The following AGMO variants were observed in gnomAD, a reference collection of about 807,000 sequenced individuals.
AGMO encodes the protein glyceryl-ether monooxygenase.
AGMO carries 75 observed loss-of-function variants against 60.2 expected under a neutral mutation model. The observed-to-expected ratio is 1.25, with a 90% CI of 1.03 to 1.51. The LOEUF is 1.51. Ranked by LOEUF, AGMO falls within the 40% of genes most tolerant of loss-of-function variation. The pLI is 0.00. For missense variants in AGMO, 763 were observed against 525.5 expected, an observed-to-expected ratio of 1.45 and a Z score of -4.42; for synonymous variants, 261 against 177.1, an observed-to-expected ratio of 1.47 and a Z score of -3.76.
chr7:15,451,898 T>TA (rs761722966), intron 3 of AGMO, among the ~76,000 whole-genome samples: 1 of 152,148 alleles, frequency 6.6e-6, no homozygotes, highest in Non-Finnish European at 1.5e-5. Context: ...TTGCCTTACT[T>TA]ATTGGAACAC....
chr7:15,457,941 G>A (rs1562517446), intron 3 of AGMO, among the ~76,000 whole-genome samples: 1 of 152,086 alleles, frequency 6.6e-6, no homozygotes, highest in Admixed American at 6.6e-5. Context: ...TAAATTATAT[G>A]ATGAAATAAA....
In AGMO at chr7:15,282,330, A is replaced by T. The variant is rs562147655; in HGVS notation, c.1264-80971T>A. The stretch of plus-strand genomic sequence containing the variant: ...AAAACATAAAGAATATAGAAAAATG[A>T]TTCAGAATATGAATGAAAAAATTTA... On this transcript the variant is annotated intron_variant, in intron 12 of 12. Coordinates refer to ENST00000342526, the MANE Select transcript of AGMO (RefSeq NM_001004320.2). Among the ~76,000 whole-genome samples the T allele has an allele frequency of 7.9e-4, 120 of 152,196 alleles. 1 individual carries two copies. Among genetic ancestry groups the T allele is most frequent in the African/African-American group, 2.8e-3 (117 of 41,570 alleles).
At chr7:15,394,323 T>C (rs1784280814) in intron 5 of AGMO, 144 bp from the exon 6 acceptor site, 1 of 652,850 alleles carries the variant, frequency 1.5e-6, no homozygotes, top group Middle Eastern at 4.1e-4. Flanking sequence ...AAAGTTCCAC[T>C]GAAATCTGGA....
chr7:15,538,415 T>C (rs2115267509), intron 3 of AGMO, among the ~76,000 whole-genome samples: 2 of 152,202 alleles, frequency 1.3e-5, no homozygotes, highest in Middle Eastern at 6.8e-3. Context: ...TAATGTTTTG[T>C]AAAGACGAAG....
the AGMO span, among the ~76,000 whole-genome samples, chr7:15,151,534 A>AT: frequency 7.3e-5 from 11 of 151,656 alleles, no homozygotes; most frequent in Non-Finnish European, 1.5e-4. Context: ...GTTTTAAAGA[A>AT]TTTTTTTCTG....
chr7:15,451,916 A>C (rs1225364256), intron 3 of AGMO, among the ~76,000 whole-genome samples: 3 of 152,170 alleles, frequency 2.0e-5, no homozygotes, highest in Non-Finnish European at 4.4e-5. Flanking sequence ...CACGGTTTGA[A>C]CACAACACTC....
chr7:15,145,075 G>A, the AGMO span, among the ~76,000 whole-genome samples: 2 of 152,140 alleles, frequency 1.3e-5, no homozygotes, highest in African/African-American at 2.4e-5. Flanking sequence ...TGATCCGCCC[G>A]CCTCGGCCCC....
intron 3 of AGMO, among the ~76,000 whole-genome samples, chr7:15,497,460 A>G (rs992620951): frequency 4.6e-5 from 7 of 152,132 alleles, no homozygotes; most frequent in Non-Finnish European, 8.8e-5. Context: ...ATGGAATTCT[A>G]TAAATGGAGG....
At chr7:15,289,312 T>C (rs1784190317) in intron 12 of AGMO, among the ~76,000 whole-genome samples, 1 of 148,476 alleles carries the variant, frequency 6.7e-6, no homozygotes, top group African/African-American at 2.5e-5. Flanking sequence ...AATGATAAAT[T>C]ATTTATTATC....
intron 3 of AGMO, among the ~76,000 whole-genome samples, chr7:15,482,896 T>A (rs918437644): frequency 2.6e-5 from 4 of 152,214 alleles, no homozygotes; most frequent in Admixed American, 6.5e-5. Context: ...AGCATGTCAA[T>A]AGATGTAGAA....
chr7:15,493,357 A>ACACACACACACACACC (rs1783122582), intron 3 of AGMO, among the ~76,000 whole-genome samples: 1 of 86,670 alleles, frequency 1.2e-5, no homozygotes, highest in African/African-American at 4.4e-5. Flanking sequence ...ACACACACAC[A>ACACACACACACACACC]CACACTTCTT....
chr7:15,431,643 G>A (rs1781242562), intron 3 of AGMO, among the ~76,000 whole-genome samples: 1 of 151,856 alleles, frequency 6.6e-6, no homozygotes, highest in Non-Finnish European at 1.5e-5. Flanking sequence ...GTAATATTTT[G>A]CACTAAGTTC....
At chr7:15,396,746 T>A (rs950297149) in intron 5 of AGMO, among the ~76,000 whole-genome samples, 2 of 151,500 alleles carry the variant, frequency 1.3e-5, no homozygotes, top group Non-Finnish European at 2.9e-5. Flanking sequence ...AGCTGATTGG[T>A]CCATTTTACG....
intron 12 of AGMO, among the ~76,000 whole-genome samples, chr7:15,217,024 C>A (rs1389195242): frequency 6.6e-6 from 1 of 151,946 alleles, no homozygotes; most frequent in African/African-American, 2.4e-5. Context: ...CATTTGAATA[C>A]CTAATATATA....
rs1028070971 is a variant in AGMO, at chr7:15,366,177, G to A, written c.1120C>T (p.Leu374=). 4 of 1,609,022 alleles carry A rather than the reference G, an allele frequency of 2.5e-6. No individual in the cohort carries two copies. Among genetic ancestry groups the A allele is most frequent in the Admixed American group, 1.7e-5 (1 of 59,734 alleles). ...TLLLRVCFII[L]TLTSIGFLLD... Reference sequence around the variant, plus strand: ...AGAAATCCAATGGAAGTCAAGGTCAGGATAATGAAGCAAACCCTCAGAAGG... The same window carrying A: ...AGAAATCCAATGGAAGTCAAGGTCAAGATAATGAAGCAAACCCTCAGAAGG... Residue 374 remains leucine (L), a synonymous_variant, in exon 11 of 13, where the codon CTG becomes TTG. Transcript: ENST00000342526.
intron 4 of AGMO, among the ~76,000 whole-genome samples, chr7:15,430,767 G>A (rs148177899): frequency 0.011 from 1,649 of 151,464 alleles, 19 homozygotes; most frequent in Non-Finnish European, 0.012. Context: ...TCACATTGTC[G>A]TATACTTTGA....
the AGMO span, among the ~76,000 whole-genome samples, chr7:15,136,681 AT>A: frequency 4.6e-5 from 7 of 150,702 alleles, no homozygotes; most frequent in Non-Finnish European, 7.4e-5. Context: ...TTTATGCCAC[AT>A]TTTTTTTTGC....
intron 4 of AGMO, among the ~76,000 whole-genome samples, chr7:15,429,464 GA>G (rs147555951): frequency 0.037 from 5,610 of 152,058 alleles, 328 homozygotes; most frequent in African/African-American, 0.13. Context: ...GAGAGAACCA[GA>G]AAAGATCCTT....
chr7:15,478,296 T>C (rs933114710), intron 3 of AGMO, among the ~76,000 whole-genome samples: 1 of 152,160 alleles, frequency 6.6e-6, no homozygotes, highest in Non-Finnish European at 1.5e-5. Context: ...CTTAACCTCA[T>C]CAACCTTTAA....
Sources: allele counts gnomAD v4.1 joint callset (sites outside exome capture counted in the v4.1 genomes callset), GRCh38; gene constraint gnomAD v4.1.1; transcripts MANE v1.5; gene names NCBI Gene and HGNC (gene_info 2026-07-23, HGNC 2026-07-21).